Variants in RABL6 observed in about 807,000 individuals in gnomAD.
RABL6 encodes rab-like protein 6.
A neutral mutation model predicts 72.9 loss-of-function variants in RABL6; 28 were observed. The ratio of observed to expected loss-of-function variants is 0.38; its 90% confidence interval spans 0.28 to 0.53. The LOEUF (loss-of-function observed/expected upper bound fraction) is 0.53. Among genes scored for constraint, RABL6 ranks in the 20% least tolerant of loss-of-function variants. The pLI, the probability that RABL6 is intolerant of heterozygous loss-of-function variation, is 0.80. For missense variants in RABL6, 1,029 were observed against 1,008.4 expected, an observed-to-expected ratio of 1.02 and a Z score of -0.28; for synonymous variants, 477 against 421.2, an observed-to-expected ratio of 1.13 and a Z score of -1.62.
At chr9:136,831,538 G>C (rs1401290633) in intron 5 of RABL6, among the ~76,000 whole-genome samples, 183 bp from the exon 6 acceptor site, 1 of 152,116 alleles carries the variant, frequency 6.6e-6, no homozygotes, top group African/African-American at 2.4e-5. Flanking sequence ...GCAGGCTGAG[G>C]GGTGCGAAGG....
At position 136,837,964 on chromosome 9, in the gene RABL6, C is replaced by T; in HGVS notation, c.1229C>T (p.Ala410Val). The part of the protein sequence containing the change: ...DRSFLEDTTP[A>V]RDEKKVGAKA... ...AGCTTCCTGGAAGACACAACCCCCG[C>T]CAGGGACGAGAAGAAGGTGGGGGCC... is the stretch of plus-strand genomic sequence containing the variant. Residue 410 changes from alanine to valine, a missense_variant, in exon 10 of 15, where the codon GCC becomes GTC. Around this residue, in one of 2 missense-constraint regions of RABL6, gnomAD observed 595 missense variants for 472.4 expected, o/e 1.26. Transcript: ENST00000311502. 4.5e-6 allele frequency: 7 copies of T among 1,568,712 alleles called. No homozygotes were observed. Among genetic ancestry groups the T allele is most frequent in the Non-Finnish European group, 6.0e-6 (7 of 1,157,674 alleles).
At position 136,839,120 on chromosome 9, in the gene RABL6, T is replaced by C. The variant is rs1848637763; in HGVS notation, c.1492T>C (p.Trp498Arg). Reference protein sequence around the residue: ...PQQCSEPETKWSSIPASKPRR... With the variant: ...PQQCSEPETKRSSIPASKPRR... ...GCAGTGCTCAGAGCCAGAGACCAAG[T>C]GGTAAGGGCAGGTGTCCCCACGGGT... Residue 498 changes from tryptophan (W) to arginine (R), a missense_variant and splice_region_variant, in exon 11 of 15, where the codon TGG becomes CGG. By Grantham distance (101) the Trp-to-Arg change is moderately radical. Around this residue, in one of 2 missense-constraint regions of RABL6, gnomAD observed 595 missense variants for 472.4 expected, o/e 1.26. Transcript: ENST00000311502. The C allele has an allele frequency of 1.2e-6, 2 of 1,611,910 alleles. No homozygotes were observed. Among genetic ancestry groups the C allele is most frequent in the Non-Finnish European group, 1.7e-6 (2 of 1,179,650 alleles).
chr9:136,839,453 T>G lies in RABL6; in HGVS notation c.1725T>G (p.Phe575Leu). 6.2e-7 allele frequency: 1 copy of G among 1,612,508 alleles called. No homozygotes were observed. Residue 575 changes from phenylalanine (F) to leucine (L), a missense_variant, in exon 12 of 15, where the codon TTT becomes TTG. Phe to Leu is a conservative substitution (Grantham distance 22, BLOSUM62 0). This residue lies in a region of RABL6 where 595 missense variants were observed against 472.4 expected (regional missense o/e 1.26). Transcript: ENST00000311502. ...MLSFVMDDPD[F>L]ESEGSDTQRR... ...CCTTCGTCATGGATGACCCCGACTT[T>G]GAGAGCGAGGGATCAGACACACAGC...
Position 136,840,906 on chromosome 9 carries a change from G to C in RABL6, c.*384G>C. ...GTGTGCGCTGCCCCGGCACCTGCTTGCCCTCCGCGCTCATCTGGGGCCGCA... is the reference window on the plus strand; with the variant it reads ...GTGTGCGCTGCCCCGGCACCTGCTTCCCCTCCGCGCTCATCTGGGGCCGCA... On this transcript the variant is annotated 3_prime_UTR_variant, in exon 15 of 15. Transcript: ENST00000311502. 6.7e-7 allele frequency: 1 copy of C among 1,494,138 alleles called. No individual in the cohort carries two copies. Among genetic ancestry groups the C allele is most frequent in the Non-Finnish European group, 8.9e-7 (1 of 1,117,412 alleles). 92.6% of individuals were successfully genotyped at this position (1,494,138 alleles called of 1,614,324 possible).
intron 1 of RABL6, among the ~76,000 whole-genome samples, chr9:136,820,823 GA>G (rs1848221496): frequency 6.6e-6 from 1 of 152,146 alleles, no homozygotes; most frequent in Non-Finnish European, 1.5e-5. Context: ...TATATATTAC[GA>G]AAAGAGAAAA....
At chr9:136,823,756 G>T (rs140167540) in intron 2 of RABL6, 97 bp downstream of exon 2, 1 of 1,422,626 alleles carries the variant, frequency 7.0e-7, no homozygotes, top group South Asian at 1.5e-5. Context: ...GGGTCTCCCC[G>T]AAGAGTTCTT....
At chr9:136,819,272 A>C (rs1311158282) in intron 1 of RABL6, among the ~76,000 whole-genome samples, 1 of 146,732 alleles carries the variant, frequency 6.8e-6, no homozygotes, top group Non-Finnish European at 1.5e-5. Flanking sequence ...CAGTGAGCCG[A>C]GATGGTGCCA....
intron 1 of RABL6, chr9:136,815,570 G>A (rs1358847051): frequency 5.1e-6 from 1 of 195,244 alleles, no homozygotes; most frequent in Non-Finnish European, 1.0e-5. Flanking sequence ...ATCTTTGCAG[G>A]GTGCAGAGTG....
intron 1 of RABL6, chr9:136,814,061 C>A (rs941428228): frequency 2.6e-6 from 1 of 381,898 alleles, no homozygotes; most frequent in Admixed American, 3.4e-5. Context: ...TTCAAACCAG[C>A]GAGTTCCAAG....
chr9:136,821,416 C>G, intron 1 of RABL6: 1 of 985,396 alleles, frequency 1.0e-6, no homozygotes, highest in African/African-American at 1.7e-5. Flanking sequence ...GGTGCCGGGG[C>G]GGGGAGGCAG....
chr9:136,836,542 T>TA (rs980701030), intron 8 of RABL6: 2 of 152,962 alleles, frequency 1.3e-5, no homozygotes, highest in Non-Finnish European at 2.9e-5. Flanking sequence ...GGAAGGCAGT[T>TA]TGATGCCTGG....
At chr9:136,813,666 G>A in intron 1 of RABL6, 1 of 232,862 alleles carries the variant, frequency 4.3e-6, no homozygotes, top group South Asian at 5.6e-5. Flanking sequence ...CCAGGCTGGA[G>A]TGCAGTGGCC....
chr9:136,839,090 C>G lies in RABL6; in HGVS notation c.1462C>G (p.Pro488Ala). The change falls in exon 11 of 15, where the codon CCC becomes GCC. Residue 488 changes from proline (P) to alanine (A), a missense_variant. Pro to Ala is a conservative substitution (Grantham distance 27). Around this residue, in one of 2 missense-constraint regions of RABL6, gnomAD observed 595 missense variants for 472.4 expected, o/e 1.26. Transcript: ENST00000311502. The part of the protein sequence containing the change: ...AAPTKGPAPA[P>A]QQCSEPETKW... The stretch of plus-strand genomic sequence containing the variant: ...TCCCACAAAAGGCCCTGCCCCAGCT[C>G]CCCAGCAGTGCTCAGAGCCAGAGAC... 1 of 1,612,356 alleles carries G rather than the reference C, an allele frequency of 6.2e-7. No homozygotes were observed. The highest frequency in any genetic ancestry group is 8.5e-7 in the Non-Finnish European group (1 of 1,179,796).
At chr9:136,830,906 C>T (rs551478161) in intron 5 of RABL6, 1 of 154,296 alleles carries the variant, frequency 6.5e-6, no homozygotes, top group South Asian at 2.0e-4. Flanking sequence ...AACACTGGCT[C>T]AGACAGCGGC....
chr9:136,840,887 G>A lies in RABL6; in HGVS notation c.*365G>A, dbSNP rs372046549. On this transcript the variant is annotated 3_prime_UTR_variant, in exon 15 of 15. Coordinates refer to ENST00000311502, the MANE Select transcript of RABL6 (RefSeq NM_024718.5). ...GGGGCCGCTTGGCTGTGGGGTGTGC[G>A]CTGCCCCGGCACCTGCTTGCCCTCC... The A allele has an allele frequency of 1.1e-3, 1,624 of 1,515,310 alleles. 37 individuals carry two copies. The South Asian group carries it at 0.018, about 17-fold the overall frequency. The allele number at this position is 1,515,310 out of a possible 1,614,324, so 93.9% of individuals were successfully genotyped here.
At position 136,837,647 on chromosome 9, in the gene RABL6, G is replaced by A. The variant is rs776055277; in HGVS notation, c.1111G>A (p.Ala371Thr). The A allele has an allele frequency of 1.1e-5, 18 of 1,591,864 alleles. No homozygotes were observed. Among genetic ancestry groups the A allele is most frequent in the Middle Eastern group, 1.8e-4 (1 of 5,568 alleles). ...TGGGACGTCACCTGCCACCGAGGCA[G>A]CCCCTCCACCTCCAGGTAGGCCCTG... ...LFGTSPATEAAPPPPEPVPAA... is the reference protein window; with the variant it reads ...LFGTSPATEATPPPPEPVPAA... The change falls in exon 9 of 15, where the codon GCC (alanine) becomes ACC (threonine). Residue 371 changes from alanine to threonine, a missense_variant. Ala to Thr is a moderately conservative substitution (Grantham distance 58). Coordinates refer to ENST00000311502, the MANE Select transcript of RABL6 (RefSeq NM_024718.5).
At chr9:136,834,237 G>A (rs1848542208) in intron 7 of RABL6, 4 of 1,177,454 alleles carry the variant, frequency 3.4e-6, no homozygotes, top group Non-Finnish European at 3.2e-6. Context: ...TTTTTAACCT[G>A]ACCGTAGTAC....
intron 1 of RABL6, chr9:136,821,677 C>T (rs1588354694): frequency 1.0e-6 from 1 of 995,398 alleles, no homozygotes; most frequent in East Asian, 1.1e-4. Flanking sequence ...GCGCTGGGGC[C>T]TGGCTCCCTC....
At chr9:136,808,777 T>C (rs1030112329) in intron 1 of RABL6, 1 of 152,416 alleles carries the variant, frequency 6.6e-6, no homozygotes, top group Admixed American at 6.5e-5. Context: ...CAGCGGGATT[T>C]TTCTTTGTTG....
Sources: gnomAD v4.1 joint callset for allele counts (sites outside exome capture counted in the v4.1 genomes callset) on GRCh38, gnomAD v4.1.1 for gene constraint, gnomAD v4.1.1 regional missense constraint, MANE v1.5 for transcripts, NCBI Gene and HGNC (gene_info 2026-07-23, HGNC 2026-07-21) for gene names.